The following ADGRB3 variants were observed in gnomAD, a reference collection of about 807,000 sequenced individuals.
ADGRB3 encodes the protein adhesion G protein-coupled receptor B3, also known as brain-specific angiogenesis inhibitor 3.
Under a neutral mutation model 193.4 loss-of-function variants are expected in ADGRB3, and 37 were observed. The ratio of observed to expected loss-of-function variants is 0.19; its 90% CI spans 0.15 to 0.25. ADGRB3 has a LOEUF of 0.25. Ranked by LOEUF, ADGRB3 falls within the 10% of genes least tolerant of loss-of-function variation. The probability of loss-of-function intolerance (pLI) is 1.00; values close to 1 mark genes in which losing one functional copy is unlikely to be tolerated. For missense variants in ADGRB3, 1,637 were observed against 1,852.9 expected, an observed-to-expected ratio of 0.88 and a Z score of 2.14; for synonymous variants, 690 against 644.2, an observed-to-expected ratio of 1.07 and a Z score of -1.08.
At chr6:68,669,403 C>G (rs1165221395) in intron 3 of ADGRB3, among the ~76,000 whole-genome samples, 1 of 150,814 alleles carries the variant, frequency 6.6e-6, no homozygotes, top group African/African-American at 2.5e-5. Flanking sequence ...CACTACCCTT[C>G]CCTGCCTCTG....
At position 69,279,105 on chromosome 6, in the gene ADGRB3, A is replaced by G. The variant is rs1447298121; in HGVS notation, c.2814+39879A>G. 5.2e-5 allele frequency among the ~76,000 whole-genome samples: 7 copies of G among 134,878 alleles called. 1 individual carries two copies. The highest frequency in any genetic ancestry group is 1.9e-4 in the African/African-American group (7 of 37,136). The allele number at this position is 134,878 out of a possible 152,430, so 88.5% of individuals were successfully genotyped here. A position where few individuals can be genotyped will look rare whatever the true frequency, so the allele number is the denominator to read the frequency against. On this transcript the variant is annotated intron_variant, in intron 20 of 31. Transcript: ENST00000370598. ...TATATATATATATATATATATATATATATATATATATATATGCTCCTCAAC... is the reference window on the plus strand; with the variant it reads ...TATATATATATATATATATATATATGTATATATATATATATGCTCCTCAAC...
chr6:69,045,097 T>C (rs994065422), intron 13 of ADGRB3, among the ~76,000 whole-genome samples: 4 of 152,184 alleles, frequency 2.6e-5, no homozygotes, highest in African/African-American at 4.8e-5. Context: ...ACATATGAGC[T>C]TCCTATTTCC....
At position 68,710,693 on chromosome 6, in the gene ADGRB3, T is replaced by C. The variant is rs1765394512; in HGVS notation, c.757+71261T>C. On this transcript the variant is annotated intron_variant, in intron 3 of 31. Coordinates refer to ENST00000370598, the MANE Select transcript of ADGRB3 (RefSeq NM_001704.3). The stretch of plus-strand genomic sequence containing the variant: ...TCTGGCCTTCCTAAAAGGGATTCCT[T>C]TGTAGAAACTACTGATGATTAGCAG... Among the ~76,000 whole-genome samples the C allele has an allele frequency of 2.0e-5, 3 of 152,116 alleles. No homozygotes were observed. In the South Asian group the frequency reaches 6.2e-4, roughly 31 times the overall value.
chr6:68,793,608 A>C (rs1386672521), intron 3 of ADGRB3, among the ~76,000 whole-genome samples: 1 of 152,174 alleles, frequency 6.6e-6, no homozygotes. Context: ...AGCTCACTGC[A>C]ACCTCTGCCT....
chr6:68,660,413 GA>G (rs1391491428), intron 3 of ADGRB3, among the ~76,000 whole-genome samples: 1 of 150,054 alleles, frequency 6.7e-6, no homozygotes, highest in Non-Finnish European at 1.5e-5. Flanking sequence ...AGATCGCAGG[GA>G]AAAAAGTTAC....
At chr6:68,804,174 C>A (rs1296684498) in intron 3 of ADGRB3, among the ~76,000 whole-genome samples, 1 of 152,174 alleles carries the variant, frequency 6.6e-6, no homozygotes, top group Non-Finnish European at 1.5e-5. Context: ...TTTTGCATAA[C>A]TTTTGTAGTA....
intron 3 of ADGRB3, among the ~76,000 whole-genome samples, chr6:68,716,640 T>C (rs1166265047): frequency 6.6e-6 from 1 of 151,548 alleles, no homozygotes; most frequent in African/African-American, 2.4e-5. Context: ...GGTAGGAGTA[T>C]TTACACCATA....
intron 20 of ADGRB3, among the ~76,000 whole-genome samples, chr6:69,309,612 C>T (rs2127299748): frequency 6.6e-6 from 1 of 151,682 alleles, no homozygotes; most frequent in African/African-American, 2.4e-5. Flanking sequence ...ATAATATTAA[C>T]TTGATTTTAA....
At chr6:68,714,483 A>G (rs2127318634) in intron 3 of ADGRB3, among the ~76,000 whole-genome samples, 1 of 151,924 alleles carries the variant, frequency 6.6e-6, no homozygotes, top group East Asian at 1.9e-4. Flanking sequence ...ATAATGATGA[A>G]AAATATTGAG....
chr6:68,838,997 G>C (rs575914584), intron 3 of ADGRB3, among the ~76,000 whole-genome samples: 28 of 151,754 alleles, frequency 1.8e-4, no homozygotes, highest in Non-Finnish European at 3.4e-4. Flanking sequence ...AACTAAACTG[G>C]TTACATGACC....
intron 6 of ADGRB3, among the ~76,000 whole-genome samples, chr6:68,948,364 G>C (rs1449115385): frequency 6.6e-6 from 1 of 152,072 alleles, no homozygotes; most frequent in Non-Finnish European, 1.5e-5. Flanking sequence ...ACGGTGATTT[G>C]ATCACTTTAG....
intron 5 of ADGRB3, among the ~76,000 whole-genome samples, chr6:68,938,307 G>A (rs950710692): frequency 4.6e-5 from 7 of 151,744 alleles, no homozygotes; most frequent in Non-Finnish European, 7.4e-5. Flanking sequence ...TCATAGAGCA[G>A]ACAGATTCTA....
At chr6:69,150,057 A>C (rs1449128122) in intron 17 of ADGRB3, among the ~76,000 whole-genome samples, 1 of 151,848 alleles carries the variant, frequency 6.6e-6, no homozygotes, top group East Asian at 1.9e-4. Flanking sequence ...TCAGACCTGA[A>C]GCGAAAACAA....
At chr6:69,306,719 T>A (rs76328385) in intron 20 of ADGRB3, among the ~76,000 whole-genome samples, 5,610 of 151,624 alleles carry the variant, frequency 0.037, 188 homozygotes, top group Admixed American at 0.094. Flanking sequence ...AAAGTCTGCC[T>A]TTAGTATTTA....
At chr6:69,132,481 T>C (rs1156823761) in intron 17 of ADGRB3, among the ~76,000 whole-genome samples, 1 of 152,194 alleles carries the variant, frequency 6.6e-6, no homozygotes, top group Non-Finnish European at 1.5e-5. Context: ...TGTTTGTTTT[T>C]TTCTTGTAAA....
intron 3 of ADGRB3, among the ~76,000 whole-genome samples, chr6:68,870,746 T>A (rs1482221399): frequency 6.6e-6 from 1 of 152,214 alleles, no homozygotes; most frequent in African/African-American, 2.4e-5. Flanking sequence ...TTTAGTTTCC[T>A]CATGTTTAAT....
intron 13 of ADGRB3, among the ~76,000 whole-genome samples, chr6:69,028,809 A>G (rs1770518782): frequency 6.6e-6 from 1 of 152,206 alleles, no homozygotes; most frequent in African/African-American, 2.4e-5. Flanking sequence ...CACAAGTACC[A>G]TTTGAGTACA....
intron 3 of ADGRB3, among the ~76,000 whole-genome samples, chr6:68,706,438 A>G (rs1181619768): frequency 6.6e-6 from 1 of 152,206 alleles, no homozygotes; most frequent in Admixed American, 6.5e-5. Flanking sequence ...AAAGCTTGTT[A>G]CGAATAATGG....
chr6:69,013,316 C>T (rs2150284978), intron 11 of ADGRB3, among the ~76,000 whole-genome samples: 1 of 152,102 alleles, frequency 6.6e-6, no homozygotes, highest in South Asian at 2.1e-4. Flanking sequence ...AACCAGAAAC[C>T]AATGGGCACT....
Sources: gnomAD v4.1 joint callset for allele counts (sites outside exome capture counted in the v4.1 genomes callset) on GRCh38, gnomAD v4.1.1 for gene constraint, MANE v1.5 for transcripts, NCBI Gene and HGNC (gene_info 2026-07-23, HGNC 2026-07-21) for gene names.